The following GABRG3 variants were observed in gnomAD, a reference collection of about 807,000 sequenced individuals.
The protein encoded by GABRG3 is gamma-aminobutyric acid type A receptor subunit gamma3.
A neutral mutation model predicts 48.8 loss-of-function variants in GABRG3; 25 were observed. The observed-to-expected ratio is 0.51, with a 90% CI of 0.37 to 0.72. The LOEUF is 0.72. GABRG3 is among the 30% of genes least tolerant of loss of function. The pLI, the probability that GABRG3 is intolerant of heterozygous loss-of-function variation, is 0.00. For missense variants in GABRG3, 394 were observed against 577.9 expected (o/e 0.68, Z 3.26); for synonymous variants, 227 against 217.6 (o/e 1.04, Z -0.38).
At chr15:27,398,243 C>CA (rs1887373822) in intron 5 of GABRG3, among the ~76,000 whole-genome samples, 1 of 152,098 alleles carries the variant, frequency 6.6e-6, no homozygotes, top group African/African-American at 2.4e-5. Flanking sequence ...TTCTGGATGG[C>CA]AAGGCCTTAC....
chr15:27,055,591 T>C (rs1896532314), intron 3 of GABRG3, among the ~76,000 whole-genome samples: 2 of 152,206 alleles, frequency 1.3e-5, no homozygotes, highest in African/African-American at 4.8e-5. Flanking sequence ...AGCGTTCCCA[T>C]AGGAATAATA....
intron 3 of GABRG3, among the ~76,000 whole-genome samples, chr15:27,237,235 G>A (rs547187046): frequency 2.4e-4 from 37 of 152,218 alleles, no homozygotes; most frequent in Non-Finnish European, 4.3e-4. Flanking sequence ...GCTGACCCAC[G>A]AGCAGAGTTT....
rs4390562 is a variant in GABRG3 at position 27,095,426 on chromosome 15, C to T, written c.270+68605C>T. ...TCTTGCGACAGGTGTGGGAAACACA[C>T]GCTTTCTCATCACAGTGATTTCCCT... On this transcript the variant is annotated intron_variant, in intron 3 of 9. Transcript: ENST00000615808. Among the ~76,000 whole-genome samples, 1,009 of 152,286 alleles carry T rather than the reference C, an allele frequency of 6.6e-3. 11 individuals are homozygous for T. Among genetic ancestry groups the T allele is most frequent in the African/African-American group, 0.023 (940 of 41,558 alleles).
intron 2 of GABRG3, among the ~76,000 whole-genome samples, chr15:26,978,472 AT>A (rs1424027657): frequency 1.3e-5 from 2 of 151,972 alleles, no homozygotes; most frequent in Admixed American, 1.3e-4. Flanking sequence ...TTACATTTTA[AT>A]TTGTTATGTC....
At chr15:27,506,613 C>A (rs891184118) in intron 6 of GABRG3, among the ~76,000 whole-genome samples, 4 of 152,162 alleles carry the variant, frequency 2.6e-5, no homozygotes, top group Non-Finnish European at 5.9e-5. Context: ...ATGGATTTCA[C>A]CCTTTTGTGA....
At chr15:27,316,049 A>G (rs969569892) in intron 3 of GABRG3, among the ~76,000 whole-genome samples, 5 of 152,146 alleles carry the variant, frequency 3.3e-5, no homozygotes, top group African/African-American at 7.2e-5. Flanking sequence ...TCATTTCCTT[A>G]TTCTGCTTTA....
At chr15:27,064,698 A>G (rs1456469491) in intron 3 of GABRG3, among the ~76,000 whole-genome samples, 1 of 152,148 alleles carries the variant, frequency 6.6e-6, no homozygotes, top group Non-Finnish European at 1.5e-5. Flanking sequence ...ATGAGCGTGC[A>G]GCACGCAACC....
chr15:27,149,412 C>CAAATTGA lies in GABRG3; in HGVS notation c.270+122592_270+122598dup, dbSNP rs563394294. On this transcript the variant is annotated intron_variant, in intron 3 of 9. Transcript: ENST00000615808. ...AACATTGTGAAGATGGTAATAGCTC[C>CAAATTGA]AAATTGATCTAGATTCAGTAGAATC... Among the ~76,000 whole-genome samples, 877 of 151,902 alleles carry CAAATTGA rather than the reference C, an allele frequency of 5.8e-3. 10 individuals carry two copies. The highest frequency in any genetic ancestry group is 0.02 in the African/African-American group (824 of 41,442).
intron 6 of GABRG3, among the ~76,000 whole-genome samples, chr15:27,517,223 C>T (rs1891042642): frequency 2.0e-5 from 3 of 151,872 alleles, no homozygotes; most frequent in African/African-American, 7.3e-5. Flanking sequence ...GTATCATGCA[C>T]ACCTCCATAT....
At chr15:27,479,612 G>A (rs1890047489) in intron 5 of GABRG3, among the ~76,000 whole-genome samples, 1 of 152,218 alleles carries the variant, frequency 6.6e-6, no homozygotes, top group South Asian at 2.1e-4. Flanking sequence ...GCATACATAT[G>A]TGTGCACTAA....
At chr15:27,339,866 A>C (rs1323909062) in intron 5 of GABRG3, among the ~76,000 whole-genome samples, 2 of 152,036 alleles carry the variant, frequency 1.3e-5, no homozygotes, top group African/African-American at 4.8e-5. Context: ...TGGCCTTCTC[A>C]CTCCATTTAG....
At chr15:27,413,923 TC>T (rs1169246716) in intron 5 of GABRG3, among the ~76,000 whole-genome samples, 2 of 152,220 alleles carry the variant, frequency 1.3e-5, no homozygotes, top group Non-Finnish European at 2.9e-5. Context: ...AATAAAGTGC[TC>T]TACTAGGCAT....
At chr15:27,378,783 C>T (rs1566813584) in intron 5 of GABRG3, among the ~76,000 whole-genome samples, 2 of 152,188 alleles carry the variant, frequency 1.3e-5, no homozygotes, top group Non-Finnish European at 2.9e-5. Context: ...GAAAATTACA[C>T]TCAGATCATG....
intron 3 of GABRG3, among the ~76,000 whole-genome samples, chr15:27,286,494 T>C (rs934677163): frequency 3.9e-5 from 6 of 152,098 alleles, no homozygotes; most frequent in African/African-American, 1.4e-4. Context: ...GTCGGTCAAA[T>C]GTGGAGAGAA....
chr15:27,328,726 C>T (rs1474404838), intron 4 of GABRG3, 80 bp from the exon 5 acceptor site: 3 of 1,187,026 alleles, frequency 2.5e-6, no homozygotes, highest in Non-Finnish European at 3.7e-6. Flanking sequence ...CCTCTCCATC[C>T]CCACATGGGG....
At position 27,132,539 on chromosome 15, in the gene GABRG3, A is replaced by G. The variant is rs182723216; in HGVS notation, c.270+105718A>G. ...TTTTTCTTCCTGATTCAACTTTGAA[A>G]GGTTGTACGTTTCCAGAAGTTTTCT... On this transcript the variant is annotated intron_variant, in intron 3 of 9. Coordinates refer to ENST00000615808, the MANE Select transcript of GABRG3 (RefSeq NM_033223.5). 5.5e-5 allele frequency among the ~76,000 whole-genome samples: 7 copies of G among 127,336 alleles called. No individual in the cohort carries two copies. In the East Asian group the frequency reaches 1.6e-3, roughly 29 times the overall value. The allele number at this position is 127,336 out of a possible 152,430, so 83.5% of individuals were successfully genotyped here. A position where few individuals can be genotyped will look rare whatever the true frequency, so the allele number is the denominator to read the frequency against.
chr15:27,279,738 A>G (rs1178916360), intron 3 of GABRG3, among the ~76,000 whole-genome samples: 1 of 152,136 alleles, frequency 6.6e-6, no homozygotes, highest in Non-Finnish European at 1.5e-5. Context: ...AAATTTTTTT[A>G]GCTACTCTGA....
chr15:27,173,689 A>G (rs962379956), intron 3 of GABRG3, among the ~76,000 whole-genome samples: 44 of 150,418 alleles, frequency 2.9e-4, no homozygotes, highest in Non-Finnish European at 4.9e-4. Flanking sequence ...GCAACAGAGC[A>G]AGATACTATC....
intron 3 of GABRG3, among the ~76,000 whole-genome samples, chr15:27,206,890 TC>T (rs1888871468): frequency 1.3e-5 from 2 of 152,160 alleles, no homozygotes; most frequent in Non-Finnish European, 2.9e-5. Flanking sequence ...TTTTTTGTTT[TC>T]TGTTTGTCTG....
Sources: allele counts gnomAD v4.1 joint callset (sites outside exome capture counted in the v4.1 genomes callset), GRCh38; gene constraint gnomAD v4.1.1; transcripts MANE v1.5; gene names NCBI Gene and HGNC (gene_info 2026-07-23, HGNC 2026-07-21).